Variants in MYO3A observed in about 807,000 individuals in gnomAD.
The protein encoded by MYO3A is myosin-IIIa.
Under a neutral mutation model 192.7 loss-of-function variants are expected in MYO3A, and 180 were observed. The observed-to-expected ratio is 0.93, with a 90% CI of 0.83 to 1.06. The LOEUF (loss-of-function observed/expected upper bound fraction) is 1.06, where lower values mean the gene tolerates loss of function less well. MYO3A is among the 50% of genes least tolerant of loss of function. MYO3A has a pLI of 0.00. For synonymous variants in MYO3A, 628 were observed against 645.3 expected (o/e 0.97, Z 0.41); for missense variants, 1,896 against 1,905.0 (o/e 1.00, Z 0.09).
chr10:25,964,441 T>C (rs1838137863), intron 4 of MYO3A, among the ~76,000 whole-genome samples: 1 of 152,168 alleles, frequency 6.6e-6, no homozygotes, highest in African/African-American at 2.4e-5. Flanking sequence ...TATCACACTT[T>C]GCATATACAA....
intron 4 of MYO3A, among the ~76,000 whole-genome samples, chr10:25,980,950 C>T (rs1294451536): frequency 6.6e-6 from 1 of 152,044 alleles, no homozygotes; most frequent in Non-Finnish European, 1.5e-5. Flanking sequence ...ATTACAGTAT[C>T]GCATAGAGTA....
chr10:26,138,478 G>T (rs1839974849), intron 20 of MYO3A, among the ~76,000 whole-genome samples: 1 of 152,130 alleles, frequency 6.6e-6, no homozygotes, highest in South Asian at 2.1e-4. Context: ...AGGAACACTT[G>T]AAGACTGTAG....
chr10:26,041,803 ATGATTGTAG>A (rs1419732572), intron 10 of MYO3A, among the ~76,000 whole-genome samples: 1 of 152,086 alleles, frequency 6.6e-6, no homozygotes. Flanking sequence ...GTCTTGAAAC[ATGATTGTAG>A]TTATTGTTTT....
chr10:25,951,653 A>C (rs575317536), intron 2 of MYO3A, among the ~76,000 whole-genome samples: 2 of 152,296 alleles, frequency 1.3e-5, no homozygotes, highest in Admixed American at 1.3e-4. Context: ...AGGACCCATT[A>C]TTGAGTTTTG....
At chr10:26,066,121 CAA>C (rs1331706742) in intron 10 of MYO3A, among the ~76,000 whole-genome samples, 2 of 19,378 alleles carry the variant, frequency 1.0e-4, no homozygotes, top group African/African-American at 3.4e-4. Flanking sequence ...AACTCCGTCT[CAA>C]AAAAAAAAAA....
chr10:26,049,671 TTC>T (rs1372215845), intron 10 of MYO3A, among the ~76,000 whole-genome samples: 6,692 of 76,834 alleles, frequency 0.087, 274 homozygotes, highest in East Asian at 0.18. Flanking sequence ...CTTTCTTTCT[TTC>T]TTTTTTTTTT....
chr10:26,089,215 T>C (rs1836534115), intron 15 of MYO3A, among the ~76,000 whole-genome samples: 1 of 152,198 alleles, frequency 6.6e-6, no homozygotes, highest in Admixed American at 6.5e-5. Flanking sequence ...GCCTTCAAGC[T>C]TGGTGTCATT....
At chr10:26,089,012 C>T (rs532849897) in intron 15 of MYO3A, among the ~76,000 whole-genome samples, 61 of 152,254 alleles carry the variant, frequency 4.0e-4, no homozygotes, top group African/African-American at 1.4e-3. Flanking sequence ...AGGAAACTAT[C>T]GTTACACATT....
intron 2 of MYO3A, among the ~76,000 whole-genome samples, chr10:25,943,253 C>G (rs1054797458): frequency 2.6e-5 from 4 of 151,930 alleles, no homozygotes; most frequent in African/African-American, 9.7e-5. Flanking sequence ...CTCTATTTGT[C>G]TATGTGTACC....
At position 26,120,694 on chromosome 10, in the gene MYO3A, A is replaced by G. The variant is rs1838809852; in HGVS notation, c.1795A>G (p.Ser599Gly). ...GTTTCAGCAACTTGGTAGTATATACAGCATACTCGCTGCAATCTTGAATGT... is the reference window on the plus strand; with the variant it reads ...GTTTCAGCAACTTGGTAGTATATACGGCATACTCGCTGCAATCTTGAATGT... ...FTMEQLGSIY[S>G]ILAAILNVGN... is the part of the protein sequence containing the mutation. The change falls in exon 18 of 35, where the codon AGC becomes GGC. Residue 599 changes from serine to glycine, a missense_variant. Ser to Gly is a moderately conservative substitution (Grantham distance 56). Coordinates refer to ENST00000642920, the MANE Select transcript of MYO3A (RefSeq NM_017433.5). 5 of 1,613,968 alleles carry G rather than the reference A, an allele frequency of 3.1e-6. No individual in the cohort carries two copies. The highest frequency in any genetic ancestry group is 1.3e-5 in the African/African-American group (1 of 74,920).
At chr10:26,083,776 A>G (rs1253073890) in intron 14 of MYO3A, among the ~76,000 whole-genome samples, 1 of 152,224 alleles carries the variant, frequency 6.6e-6, no homozygotes, top group Admixed American at 6.5e-5. Context: ...GTTGAAAAAT[A>G]TTAAAAAATG....
chr10:25,980,291 G>A (rs1839244081), intron 4 of MYO3A, among the ~76,000 whole-genome samples: 1 of 150,316 alleles, frequency 6.7e-6, no homozygotes, highest in African/African-American at 2.4e-5. Context: ...TCTCTTCCAG[G>A]CAAAACAAAC....
At chr10:26,022,217 T>C (rs1202696886) in intron 8 of MYO3A, 2 of 152,388 alleles carry the variant, frequency 1.3e-5, no homozygotes, top group South Asian at 2.1e-4. Context: ...CACTCCTTCA[T>C]GTGTGTTTCA....
intron 4 of MYO3A, among the ~76,000 whole-genome samples, chr10:25,967,549 C>G (rs1385932096): frequency 1.3e-5 from 2 of 152,092 alleles, no homozygotes; most frequent in South Asian, 2.1e-4. Flanking sequence ...CTAAGAATAT[C>G]CAGCTCCAAT....
At position 26,068,763 on chromosome 10, in the gene MYO3A, T is replaced by A. The variant is rs540724393; in HGVS notation, c.1054-5T>A. On this transcript the variant is annotated splice_region_variant and splice_polypyrimidine_tract_variant and intron_variant, in intron 11 of 34. Transcript: ENST00000642920. The stretch of plus-strand genomic sequence containing the variant: ...AGAAGGAGAAATTATTTTATTTTAT[T>A]GCAGAATACAGTCTCAGAGCAACTT... The A allele has an allele frequency of 1.3e-6, 2 of 1,511,810 alleles. No individual in the cohort carries two copies. The highest frequency in any genetic ancestry group is 4.5e-5 in the East Asian group (2 of 44,236). 93.6% of individuals were successfully genotyped at this position (1,511,810 alleles called of 1,614,324 possible).
chr10:26,164,244 T>C (rs544211195), intron 26 of MYO3A, among the ~76,000 whole-genome samples: 1 of 152,182 alleles, frequency 6.6e-6, no homozygotes, highest in Non-Finnish European at 1.5e-5. Context: ...TGAGCGAGGC[T>C]TAAGGTGTTT....
At chr10:26,107,858 C>G (rs974896925) in intron 17 of MYO3A, among the ~76,000 whole-genome samples, 1 of 152,036 alleles carries the variant, frequency 6.6e-6, no homozygotes, top group Non-Finnish European at 1.5e-5. Context: ...ATTTACCCAT[C>G]CGATAAATGT....
intron 4 of MYO3A, among the ~76,000 whole-genome samples, chr10:25,988,265 A>C (rs368937553): frequency 6.6e-6 from 1 of 152,172 alleles, no homozygotes; most frequent in South Asian, 2.1e-4. Context: ...CACAGTGTAC[A>C]CAGCTCGGGT....
chr10:26,038,800 A>G (rs1201225132), intron 10 of MYO3A, among the ~76,000 whole-genome samples: 3 of 152,150 alleles, frequency 2.0e-5, no homozygotes, highest in African/African-American at 7.2e-5. Context: ...ATTCCGTATG[A>G]TAGTAGTTAT....
Sources: allele counts gnomAD v4.1 joint callset (sites outside exome capture counted in the v4.1 genomes callset), GRCh38; gene constraint gnomAD v4.1.1; transcripts MANE v1.5; gene names NCBI Gene and HGNC (gene_info 2026-07-23, HGNC 2026-07-21).